KAZN: variants seen among roughly 807,000 people sequenced by gnomAD.
KAZN encodes the protein kazrin, periplakin interacting protein, also known as kazrin.
A neutral mutation model predicts 87.4 loss-of-function variants in KAZN; 40 were observed. The observed-to-expected ratio is 0.46, with a 90% CI of 0.36 to 0.60. The LOEUF (loss-of-function observed/expected upper bound fraction) is 0.60. KAZN is among the 20% of genes least tolerant of loss of function. KAZN has a pLI of 0.00. For missense variants in KAZN, 898 were observed against 1,073.9 expected (o/e 0.84, Z 2.29); for synonymous variants, 466 against 458.3 (o/e 1.02, Z -0.22).
At chr1:15,100,199 G>C (rs1016942349) in intron 10 of KAZN, among the ~76,000 whole-genome samples, 2 of 152,198 alleles carry the variant, frequency 1.3e-5, no homozygotes, top group Non-Finnish European at 2.9e-5. Flanking sequence ...GGAGAAAGAG[G>C]GGAAGGGGTT....
chr1:13,947,866 G>A (rs1033533448), intron 1 of KAZN, among the ~76,000 whole-genome samples: 10 of 152,090 alleles, frequency 6.6e-5, no homozygotes, highest in African/African-American at 2.2e-4. Flanking sequence ...CCATCCTCAG[G>A]ACCTCATTTC....
chr1:14,570,105 T>C (rs1674774024), intron 2 of KAZN, among the ~76,000 whole-genome samples: 1 of 151,938 alleles, frequency 6.6e-6, no homozygotes, highest in Non-Finnish European at 1.5e-5. Context: ...AGAGCGAGAC[T>C]CCGTCTCAAA....
At chr1:14,146,536 C>CAAAAAAAAAAAAAAAAAAAAA (rs55928646) in intron 1 of KAZN, among the ~76,000 whole-genome samples, 8 of 63,508 alleles carry the variant, frequency 1.3e-4, no homozygotes, top group Non-Finnish European at 1.7e-4. Context: ...AACTCCATCT[C>CAAAAAAAAAAAAAAAAAAAAA]AAAAAAAAAA....
chr1:14,098,804 C>G (rs1403571172), intron 1 of KAZN, among the ~76,000 whole-genome samples: 4 of 152,176 alleles, frequency 2.6e-5, no homozygotes, highest in Non-Finnish European at 5.9e-5. Flanking sequence ...TTACCCAAGG[C>G]ATTCCTTTGA....
chr1:14,917,512 T>A (rs1657939608), intron 1 of KAZN, among the ~76,000 whole-genome samples: 1 of 152,234 alleles, frequency 6.6e-6, no homozygotes, highest in Non-Finnish European at 1.5e-5. Context: ...AATGTTTCAC[T>A]AGCCCAGTTT....
intron 1 of KAZN, among the ~76,000 whole-genome samples, chr1:14,143,303 A>T (rs1645279295): frequency 6.6e-6 from 1 of 152,154 alleles, no homozygotes; most frequent in Admixed American, 6.5e-5. Flanking sequence ...TTGACATGGA[A>T]AACACCAGCC....
At chr1:14,636,267 C>T (rs1679977407) in intron 1 of KAZN, among the ~76,000 whole-genome samples, 1 of 152,154 alleles carries the variant, frequency 6.6e-6, no homozygotes, top group African/African-American at 2.4e-5. Context: ...TGTAAATTAC[C>T]ATTCTGCTCT....
intron 1 of KAZN, among the ~76,000 whole-genome samples, chr1:13,966,925 C>T (rs923317403): frequency 1.2e-4 from 18 of 152,042 alleles, no homozygotes; most frequent in African/African-American, 3.9e-4. Flanking sequence ...GTTTACCATA[C>T]AGTACTATTG....
intron 1 of KAZN, among the ~76,000 whole-genome samples, chr1:14,857,369 C>T (rs4661532): frequency 0.059 from 9,017 of 152,084 alleles, 327 homozygotes; most frequent in South Asian, 0.11. Flanking sequence ...TAGTGAAACC[C>T]CATCTCTGCT....
chr1:15,036,693 G>A (rs930108322), intron 3 of KAZN, among the ~76,000 whole-genome samples: 4 of 152,140 alleles, frequency 2.6e-5, no homozygotes, highest in African/African-American at 7.2e-5. Context: ...CAGGAGCTCA[G>A]AGTGACCTCC....
intron 1 of KAZN, among the ~76,000 whole-genome samples, chr1:14,142,244 C>T (rs1463824761): frequency 2.0e-5 from 3 of 151,904 alleles, no homozygotes; most frequent in Admixed American, 6.6e-5. Flanking sequence ...TCTAGCTGTG[C>T]CCGCTTGAAG....
intron 2 of KAZN, among the ~76,000 whole-genome samples, chr1:14,469,239 T>TC: frequency 6.6e-6 from 1 of 152,244 alleles, no homozygotes; most frequent in South Asian, 2.1e-4. Context: ...TCTGCTATAT[T>TC]CCCCATGAAC....
At position 15,007,076 on chromosome 1, in the gene KAZN, AAGAAAAAC is replaced by A. The variant is rs1452814314; in HGVS notation, c.419-27666_419-27659del. Among the ~76,000 whole-genome samples, 503 of 146,790 alleles carry A rather than the reference AAGAAAAAC, an allele frequency of 3.4e-3. 9 individuals carry two copies. The highest frequency in any genetic ancestry group is 7.2e-3 in the Middle Eastern group (2 of 276). ...CGTCTCAAAAAAAAAAAAAAAAAAA[AAGAAAAAC>A]AGAAAATTCCAGGGAAGGATTGATT... On this transcript the variant is annotated intron_variant, in intron 2 of 14. Transcript: ENST00000376030.
intron 2 of KAZN, among the ~76,000 whole-genome samples, chr1:14,452,420 TA>T (rs2148333524): frequency 6.6e-6 from 1 of 152,308 alleles, no homozygotes; most frequent in South Asian, 2.1e-4. Flanking sequence ...TTTTAAAAAA[TA>T]AGTTTGGTTT....
intron 1 of KAZN, among the ~76,000 whole-genome samples, chr1:14,858,576 G>A (rs914977654): frequency 2.6e-5 from 4 of 152,104 alleles, no homozygotes; most frequent in Non-Finnish European, 5.9e-5. Flanking sequence ...TCCACCTTTT[G>A]GCTGTCGTGA....
At chr1:14,435,048 AC>A (rs973406554) in intron 2 of KAZN, among the ~76,000 whole-genome samples, 1 of 151,974 alleles carries the variant, frequency 6.6e-6, no homozygotes, top group African/African-American at 2.4e-5. Context: ...ATGGGAAAGA[AC>A]CTCAGCCAGG....
chr1:14,519,914 A>T (rs1671495987), intron 2 of KAZN, among the ~76,000 whole-genome samples: 1 of 152,120 alleles, frequency 6.6e-6, no homozygotes, highest in Admixed American at 6.5e-5. Flanking sequence ...GAGTGTCCTC[A>T]GGCACCCAGA....
At chr1:15,025,132 C>A (rs1485721579) in intron 2 of KAZN, among the ~76,000 whole-genome samples, 1 of 149,502 alleles carries the variant, frequency 6.7e-6, no homozygotes, top group Non-Finnish European at 1.5e-5. Flanking sequence ...CAGCAGTGAA[C>A]AGGACAGACC....
At chr1:14,806,403 G>A (rs2100764353) in intron 1 of KAZN, among the ~76,000 whole-genome samples, 1 of 152,304 alleles carries the variant, frequency 6.6e-6, no homozygotes, top group Middle Eastern at 3.4e-3. Context: ...TCATTTGGCA[G>A]ACCAGCTTCC....
Sources: allele counts gnomAD v4.1 joint callset (sites outside exome capture counted in the v4.1 genomes callset), GRCh38; gene constraint gnomAD v4.1.1; transcripts MANE v1.5; gene names NCBI Gene and HGNC (gene_info 2026-07-23, HGNC 2026-07-21).